The following CTNNA2 variants were observed in gnomAD, a reference collection of about 807,000 sequenced individuals.
CTNNA2 encodes catenin alpha-2.
In CTNNA2, 42 loss-of-function variants were observed where a neutral mutation model predicts 101.0. That is an observed-to-expected ratio of 0.42 (90% CI 0.32 to 0.54). The LOEUF is 0.54. CTNNA2 is among the 20% of genes least tolerant of loss of function. The pLI is 0.14. For missense variants in CTNNA2, 871 were observed against 1,223.1 expected, an observed-to-expected ratio of 0.71 and a Z score of 4.29; for synonymous variants, 450 against 456.4, an observed-to-expected ratio of 0.99 and a Z score of 0.18.
chr2:80,002,595 A>T (rs939540282), intron 7 of CTNNA2, among the ~76,000 whole-genome samples: 2 of 152,160 alleles, frequency 1.3e-5, no homozygotes, highest in African/African-American at 4.8e-5. Flanking sequence ...GGAAGGATGA[A>T]AGAATTCTGT....
intron 15 of CTNNA2, among the ~76,000 whole-genome samples, chr2:80,596,054 A>G (rs1322557054): frequency 6.6e-6 from 1 of 152,008 alleles, no homozygotes; most frequent in Non-Finnish European, 1.5e-5. Context: ...AGTGGTTTGT[A>G]GTTCTCATAG....
At chr2:79,845,800 A>G (rs1345980214) in intron 3 of CTNNA2, among the ~76,000 whole-genome samples, 2 of 152,154 alleles carry the variant, frequency 1.3e-5, no homozygotes, top group African/African-American at 4.8e-5. Flanking sequence ...TGCTGCACAA[A>G]TATATTTTTA....
At chr2:79,816,516 A>T (rs1677514484) in intron 3 of CTNNA2, among the ~76,000 whole-genome samples, 1 of 152,182 alleles carries the variant, frequency 6.6e-6, no homozygotes, top group South Asian at 2.1e-4. Context: ...AAGAGTTAAT[A>T]TAAAAAGAAT....
chr2:80,502,374 C>T (rs1251981018), intron 9 of CTNNA2, among the ~76,000 whole-genome samples: 5 of 152,182 alleles, frequency 3.3e-5, no homozygotes, highest in African/African-American at 1.2e-4. Context: ...AACAGAAAGT[C>T]CTTTTTCTTC....
intron 1 of CTNNA2, among the ~76,000 whole-genome samples, chr2:79,196,243 T>C (rs1673959443): frequency 6.6e-6 from 1 of 152,208 alleles, no homozygotes; most frequent in Non-Finnish European, 1.5e-5. Context: ...GAAGTCAGTT[T>C]TAAGTATCTA....
intron 1 of CTNNA2, among the ~76,000 whole-genome samples, chr2:79,612,655 C>CTTA (rs748358298): frequency 6.6e-6 from 1 of 152,036 alleles, no homozygotes; most frequent in Non-Finnish European, 1.5e-5. Flanking sequence ...TTTCTAATGA[C>CTTA]TTAAGACTTA....
chr2:79,672,901 G>A (rs1228042487), intron 2 of CTNNA2, among the ~76,000 whole-genome samples: 2 of 151,938 alleles, frequency 1.3e-5, no homozygotes, highest in East Asian at 1.9e-4. Flanking sequence ...GTAGAGACAA[G>A]GTTTCCATGT....
At chr2:79,315,315 C>A (rs1676469548) in intron 3 of CTNNA2, among the ~76,000 whole-genome samples, 1 of 152,124 alleles carries the variant, frequency 6.6e-6, no homozygotes, top group South Asian at 2.1e-4. Flanking sequence ...CATATAGTTA[C>A]AGAGCTGTAC....
chr2:80,232,154 G>A (rs1327974303), intron 7 of CTNNA2, among the ~76,000 whole-genome samples: 3 of 151,960 alleles, frequency 2.0e-5, no homozygotes, highest in South Asian at 2.1e-4. Context: ...CAATGTATAC[G>A]TCACATGTAT....
chr2:79,911,689 A>T (rs1028606969), intron 7 of CTNNA2, among the ~76,000 whole-genome samples: 1 of 152,252 alleles, frequency 6.6e-6, no homozygotes, highest in Non-Finnish European at 1.5e-5. Flanking sequence ...CAGACAATAC[A>T]TCAATGGGTA....
intron 18 of CTNNA2, among the ~76,000 whole-genome samples, chr2:80,642,927 G>C (rs903130915): frequency 6.6e-6 from 1 of 152,054 alleles, no homozygotes; most frequent in African/African-American, 2.4e-5. Flanking sequence ...TTTAGAAGTT[G>C]AGTGGTATTA....
Position 79,242,896 on chromosome 2 carries a change from G to T in CTNNA2, c.-406+44820G>T, listed in dbSNP as rs1406667297. On this transcript the variant is annotated intron_variant, in intron 2 of 21. Transcript: ENST00000466387. ...GGCAGGAGGATTCGTTGAGGGGGGA[G>T]TATGAGGCTGCAATGAGCTATGATA... Among the ~76,000 whole-genome samples, 4 of 151,390 alleles carry T rather than the reference G, an allele frequency of 2.6e-5. No homozygotes were observed. The East Asian group carries it at 7.8e-4, about 30-fold the overall frequency.
intron 3 of CTNNA2, among the ~76,000 whole-genome samples, chr2:79,798,708 CAG>C (rs955054458): frequency 6.6e-6 from 1 of 151,834 alleles, no homozygotes; most frequent in Admixed American, 6.6e-5. Context: ...AGAGCATAGA[CAG>C]ATATTTGAAT....
At position 80,147,746 on chromosome 2, in the gene CTNNA2, G is replaced by A. The variant is rs1032049550; in HGVS notation, c.1056+237949G>A. On this transcript the variant is annotated intron_variant, in intron 7 of 18. Transcript: ENST00000402739. ...GTTTTGTGTTAGTCATTTATACCAC[G>A]GGGTGGACTTCTCAGCCCCTACCTC... Among the ~76,000 whole-genome samples, 8 of 152,226 alleles carry A rather than the reference G, an allele frequency of 5.3e-5. No individual in the cohort carries two copies. In the South Asian group the frequency reaches 1.2e-3, roughly 24 times the overall value.
chr2:79,551,301 G>A (rs2104054118), intron 1 of CTNNA2, among the ~76,000 whole-genome samples: 1 of 152,280 alleles, frequency 6.6e-6, no homozygotes, highest in South Asian at 2.1e-4. Context: ...ACAGGGGAAA[G>A]AGGAAATGGA....
chr2:79,662,170 C>T (rs941488253), intron 2 of CTNNA2, among the ~76,000 whole-genome samples: 5 of 151,882 alleles, frequency 3.3e-5, no homozygotes, highest in Admixed American at 1.3e-4. Flanking sequence ...CTGACATGCA[C>T]ACAATTCCTA....
chr2:80,134,372 C>T lies in CTNNA2; in HGVS notation c.1056+224575C>T, dbSNP rs552384247. On this transcript the variant is annotated intron_variant, in intron 7 of 18. Transcript: ENST00000402739. ...CCAATTGATGGTTGCTGTGCAACTA[C>T]GCTAAGTGCTGACCCTCCCCCAAAC... is the stretch of plus-strand genomic sequence containing the variant. Among the ~76,000 whole-genome samples the T allele has an allele frequency of 7.2e-5, 11 of 152,128 alleles. No homozygotes were observed. In the South Asian group the frequency reaches 1.9e-3, roughly 26 times the overall value.
intron 9 of CTNNA2, among the ~76,000 whole-genome samples, chr2:80,433,047 A>G (rs1186236312): frequency 6.6e-6 from 1 of 152,116 alleles, no homozygotes; most frequent in African/African-American, 2.4e-5. Context: ...AACTAAAAAT[A>G]GCCTGTGATG....
chr2:79,994,033 G>C (rs920927974), intron 7 of CTNNA2, among the ~76,000 whole-genome samples: 1 of 152,000 alleles, frequency 6.6e-6, no homozygotes, highest in African/African-American at 2.4e-5. Flanking sequence ...CCTCTCTCTG[G>C]AGTAGCTGAG....
Sources: gnomAD v4.1 joint callset for allele counts (sites outside exome capture counted in the v4.1 genomes callset) on GRCh38, gnomAD v4.1.1 for gene constraint, MANE v1.5 for transcripts, NCBI Gene and HGNC (gene_info 2026-07-23, HGNC 2026-07-21) for gene names.